SLC9A9: variants seen among roughly 807,000 people sequenced by gnomAD.
The protein encoded by SLC9A9 is solute carrier family 9 member A9, also known as sodium/hydrogen exchanger 9.
Under a neutral mutation model 77.8 loss-of-function variants are expected in SLC9A9, and 62 were observed. That is an observed-to-expected ratio of 0.80 (90% confidence interval 0.65 to 0.98). The LOEUF is 0.98. SLC9A9 is among the 50% of genes least tolerant of loss of function. The pLI is 0.00. For missense variants in SLC9A9, 775 were observed against 774.9 expected, an observed-to-expected ratio of 1.00 and a Z score of 0.00; for synonymous variants, 320 against 283.5, an observed-to-expected ratio of 1.13 and a Z score of -1.29.
intron 2 of SLC9A9, among the ~76,000 whole-genome samples, chr3:143,819,787 C>T (rs1170163504): frequency 1.3e-5 from 2 of 152,162 alleles, no homozygotes; most frequent in African/African-American, 4.8e-5. Context: ...AAGGCTGTTA[C>T]AGTTTTAAAG....
chr3:143,770,374 T>C (rs1307989561), intron 4 of SLC9A9, among the ~76,000 whole-genome samples: 4 of 152,180 alleles, frequency 2.6e-5, no homozygotes, highest in African/African-American at 9.7e-5. Flanking sequence ...AATATAACTT[T>C]CACTAATGGA....
At chr3:143,779,440 C>T (rs776025057) in intron 4 of SLC9A9, among the ~76,000 whole-genome samples, 2 of 152,078 alleles carry the variant, frequency 1.3e-5, no homozygotes, top group African/African-American at 2.4e-5. Context: ...GGCACAATCT[C>T]GGCTCACTGC....
chr3:143,605,968 C>T (rs1048870412), intron 6 of SLC9A9, among the ~76,000 whole-genome samples: 2 of 152,236 alleles, frequency 1.3e-5, no homozygotes, highest in East Asian at 1.9e-4. Flanking sequence ...ACAGTGAGAA[C>T]GATAAGCTCT....
At chr3:143,605,339 C>A (rs1170507758) in intron 6 of SLC9A9, among the ~76,000 whole-genome samples, 1 of 152,182 alleles carries the variant, frequency 6.6e-6, no homozygotes, top group Non-Finnish European at 1.5e-5. Flanking sequence ...GTTGCCAACT[C>A]AGGTGCCTGC....
intron 12 of SLC9A9, among the ~76,000 whole-genome samples, chr3:143,393,096 T>A (rs567991925): frequency 2.0e-5 from 3 of 152,232 alleles, no homozygotes; most frequent in Non-Finnish European, 4.4e-5. Context: ...CAAGCAGACC[T>A]AATAGACATC....
intron 6 of SLC9A9, among the ~76,000 whole-genome samples, chr3:143,633,641 A>ACCTT (rs777348797): frequency 2.5e-4 from 38 of 152,210 alleles, no homozygotes; most frequent in Non-Finnish European, 4.9e-4. Flanking sequence ...TGCTAGAAGT[A>ACCTT]CCTTCACTGG....
At chr3:143,326,178 G>C (rs1223112012) in intron 14 of SLC9A9, among the ~76,000 whole-genome samples, 1 of 152,012 alleles carries the variant, frequency 6.6e-6, no homozygotes, top group Non-Finnish European at 1.5e-5. Context: ...CAAGTCATCA[G>C]GATTCCTTGA....
rs75445867 is a variant in SLC9A9 at position 143,768,837 on chromosome 3, A to C, written c.533+26164T>G. 2.9e-3 allele frequency among the ~76,000 whole-genome samples: 437 copies of C among 152,324 alleles called. 1 individual carries two copies. Among genetic ancestry groups the C allele is most frequent in the African/African-American group, 0.01 (422 of 41,570 alleles). On this transcript the variant is annotated intron_variant, in intron 4 of 15. Transcript: ENST00000316549. The stretch of plus-strand genomic sequence containing the variant: ...CAAGATTAGACTCTTGCCACTGTGC[A>C]ACAGTGTGTATAAATGTTTGTATTT...
intron 11 of SLC9A9, among the ~76,000 whole-genome samples, chr3:143,487,347 C>T (rs2035670445): frequency 6.6e-6 from 1 of 151,756 alleles, no homozygotes; most frequent in South Asian, 2.1e-4. Flanking sequence ...AAATATACCA[C>T]TCTCAATAAT....
intron 5 of SLC9A9, among the ~76,000 whole-genome samples, chr3:143,683,904 C>A (rs1933182369): frequency 6.6e-6 from 1 of 151,792 alleles, no homozygotes; most frequent in African/African-American, 2.4e-5. Context: ...TGAAAACAAG[C>A]AAAAATATAC....
At chr3:143,271,370 A>T (rs1484083087) in intron 14 of SLC9A9, among the ~76,000 whole-genome samples, 1 of 152,204 alleles carries the variant, frequency 6.6e-6, no homozygotes, top group Admixed American at 6.5e-5. Flanking sequence ...TTTACTGACC[A>T]TATGGCCTAG....
chr3:143,600,011 CTT>C (rs560596066), intron 6 of SLC9A9, among the ~76,000 whole-genome samples: 1 of 149,182 alleles, frequency 6.7e-6, no homozygotes. Context: ...GTTTTGCTAC[CTT>C]TTTTTTTTAA....
At chr3:143,759,926 C>A (rs1213899022) in intron 4 of SLC9A9, among the ~76,000 whole-genome samples, 2 of 152,142 alleles carry the variant, frequency 1.3e-5, no homozygotes, top group South Asian at 2.1e-4. Context: ...ATAACCCAAC[C>A]AAGCCCACTG....
intron 2 of SLC9A9, among the ~76,000 whole-genome samples, chr3:143,817,145 A>AT (rs61053850): frequency 3.6e-5 from 4 of 110,960 alleles, no homozygotes; most frequent in Admixed American, 9.5e-5. Flanking sequence ...TTTTTTTTTT[A>AT]TTTTTTTTTT....
chr3:143,682,159 CTT>C (rs1234452184), intron 5 of SLC9A9, among the ~76,000 whole-genome samples: 1 of 152,162 alleles, frequency 6.6e-6, no homozygotes, highest in Non-Finnish European at 1.5e-5. Context: ...ACCAACTCCT[CTT>C]TGCCTTAGGA....
chr3:143,655,202 G>C (rs1386186053), intron 5 of SLC9A9, among the ~76,000 whole-genome samples: 1 of 152,172 alleles, frequency 6.6e-6, no homozygotes, highest in East Asian at 1.9e-4. Flanking sequence ...CCCTGGCAGG[G>C]CTCAATCTTA....
At chr3:143,826,119 C>A (rs560432720) in intron 2 of SLC9A9, among the ~76,000 whole-genome samples, 1 of 151,960 alleles carries the variant, frequency 6.6e-6, no homozygotes, top group Non-Finnish European at 1.5e-5. Context: ...AGTAGCTGGG[C>A]GTGGTGGCAC....
At chr3:143,479,508 C>G (rs547117312) in intron 11 of SLC9A9, among the ~76,000 whole-genome samples, 10 of 152,292 alleles carry the variant, frequency 6.6e-5, no homozygotes, top group African/African-American at 2.2e-4. Context: ...CCACTTTAGC[C>G]TCCTGAAGTG....
chr3:143,799,583 G>T (rs988943993), intron 2 of SLC9A9, among the ~76,000 whole-genome samples: 1 of 152,164 alleles, frequency 6.6e-6, no homozygotes, highest in Non-Finnish European at 1.5e-5. Context: ...TGGCCACTGG[G>T]CCAAGGAATG....
Sources: allele counts gnomAD v4.1 joint callset (sites outside exome capture counted in the v4.1 genomes callset), GRCh38; gene constraint gnomAD v4.1.1; transcripts MANE v1.5; gene names NCBI Gene and HGNC (gene_info 2026-07-23, HGNC 2026-07-21).